The following THSD4 variants were observed in gnomAD, a reference collection of about 807,000 sequenced individuals.
The protein encoded by THSD4 is thrombospondin type 1 domain containing 4.
In THSD4, 69 loss-of-function variants were observed where a neutral mutation model predicts 119.0. The ratio of observed to expected loss-of-function variants is 0.58; its 90% CI spans 0.48 to 0.71. The LOEUF (loss-of-function observed/expected upper bound fraction) is 0.71. Among genes scored for constraint, THSD4 ranks in the 30% least tolerant of loss-of-function variants. The probability of loss-of-function intolerance (pLI) is 0.00; values close to 1 mark genes in which losing one functional copy is unlikely to be tolerated. For missense variants in THSD4, 1,393 were observed against 1,391.1 expected (o/e 1.00, Z -0.02); for synonymous variants, 524 against 540.4 (o/e 0.97, Z 0.42).
intron 6 of THSD4, among the ~76,000 whole-genome samples, chr15:71,392,261 A>G (rs1250963848): frequency 3.3e-5 from 5 of 152,202 alleles, no homozygotes; most frequent in African/African-American, 1.2e-4. Flanking sequence ...AAATGCAGAC[A>G]TTCCCCTACT....
At chr15:71,394,433 C>G (rs574594390) in intron 6 of THSD4, among the ~76,000 whole-genome samples, 1 of 151,992 alleles carries the variant, frequency 6.6e-6, no homozygotes, top group Non-Finnish European at 1.5e-5. Flanking sequence ...CCACCACGGC[C>G]GGCTAATTTT....
intron 7 of THSD4, among the ~76,000 whole-genome samples, chr15:71,477,408 G>T (rs1266362053): frequency 3.9e-5 from 6 of 152,188 alleles, no homozygotes; most frequent in Admixed American, 1.3e-4. Flanking sequence ...CGCAGGCCCT[G>T]GGTATTGAAT....
intron 6 of THSD4, among the ~76,000 whole-genome samples, chr15:71,328,643 T>TA (rs1468339688): frequency 2.6e-5 from 4 of 152,216 alleles, no homozygotes; most frequent in African/African-American, 9.6e-5. Flanking sequence ...GAACTTTTTT[T>TA]AGACTCTGAA....
intron 8 of THSD4, among the ~76,000 whole-genome samples, chr15:71,728,086 A>G (rs371330483): frequency 9.9e-5 from 15 of 152,230 alleles, no homozygotes; most frequent in East Asian, 5.8e-4. Flanking sequence ...AAATATTTCA[A>G]TTCTTAAATT....
At chr15:71,400,242 CTG>C (rs1475742919) in intron 6 of THSD4, among the ~76,000 whole-genome samples, 2 of 152,060 alleles carry the variant, frequency 1.3e-5, no homozygotes, top group Non-Finnish European at 2.9e-5. Flanking sequence ...AATTGATAAG[CTG>C]TGTGTTTTTG....
chr15:71,541,480 C>T (rs895433219), intron 7 of THSD4, among the ~76,000 whole-genome samples: 3 of 152,170 alleles, frequency 2.0e-5, no homozygotes, highest in African/African-American at 4.8e-5. Flanking sequence ...TGGTAGTCTC[C>T]AGTGTGTTCT....
intron 8 of THSD4, among the ~76,000 whole-genome samples, chr15:71,717,556 T>TA (rs1208119673): frequency 5.7e-5 from 7 of 123,470 alleles, no homozygotes; most frequent in East Asian, 2.5e-4. Flanking sequence ...CTCCTGAGGT[T>TA]AAAAAAAAAT....
At chr15:71,313,903 G>T (rs1266548982) in intron 6 of THSD4, among the ~76,000 whole-genome samples, 1 of 152,152 alleles carries the variant, frequency 6.6e-6, no homozygotes, top group East Asian at 1.9e-4. Context: ...AAAAAACACA[G>T]CATGGGCTCC....
chr15:71,562,384 G>A (rs2049138536), intron 7 of THSD4, among the ~76,000 whole-genome samples: 1 of 152,070 alleles, frequency 6.6e-6, no homozygotes, highest in South Asian at 2.1e-4. Context: ...TGGTAGGAAG[G>A]GAAGGGAAGG....
chr15:71,683,801 C>G (rs1376247517), intron 8 of THSD4, among the ~76,000 whole-genome samples: 1 of 152,122 alleles, frequency 6.6e-6, no homozygotes, highest in African/African-American at 2.4e-5. Context: ...AGGTGAAACC[C>G]CATCTGTACT....
intron 6 of THSD4, among the ~76,000 whole-genome samples, chr15:71,264,818 T>C (rs905391663): frequency 2.0e-5 from 3 of 152,136 alleles, no homozygotes; most frequent in Non-Finnish European, 4.4e-5. Context: ...TATCATCCCA[T>C]GTATCATTTC....
chr15:71,580,012 A>T (rs11634676), intron 7 of THSD4, among the ~76,000 whole-genome samples: 85,194 of 151,880 alleles, frequency 0.56, 27,933 homozygotes, highest in Non-Finnish European at 0.74. Context: ...CTAATTGGAG[A>T]TATTAAAAAA....
At chr15:71,379,641 G>A (rs1209998705) in intron 6 of THSD4, among the ~76,000 whole-genome samples, 1 of 151,340 alleles carries the variant, frequency 6.6e-6, no homozygotes, top group Non-Finnish European at 1.5e-5. Context: ...TGTATTTTTA[G>A]TAGAGACAGG....
rs891015232 is a variant in THSD4 at position 71,240,721 on chromosome 15, A to C, written c.465-1928A>C. Among the ~76,000 whole-genome samples the C allele has an allele frequency of 4.0e-4, 61 of 151,982 alleles. 1 individual carries two copies. Among genetic ancestry groups the C allele is most frequent in the African/African-American group, 1.5e-3 (61 of 41,472 alleles). ...CAGAAATTCTTTCCTTTGCCTTTGCATGATGTCATTCATTTTACCTGGCCT... is the reference window on the plus strand; with the variant it reads ...CAGAAATTCTTTCCTTTGCCTTTGCCTGATGTCATTCATTTTACCTGGCCT... On this transcript the variant is annotated intron_variant, in intron 4 of 17. Coordinates refer to ENST00000261862, the MANE Select transcript of THSD4 (RefSeq NM_024817.3).
chr15:71,190,410 C>T (rs373342052), intron 3 of THSD4, among the ~76,000 whole-genome samples: 1 of 152,172 alleles, frequency 6.6e-6, no homozygotes, highest in African/African-American at 2.4e-5. Context: ...GGGCTCCCTT[C>T]CATGTCTGAG....
At chr15:71,411,624 C>T in intron 6 of THSD4, 63 bp from the exon 7 acceptor site, 1 of 1,508,638 alleles carries the variant, frequency 6.6e-7, no homozygotes. Flanking sequence ...GGTGCTGATT[C>T]CACAGAGATG....
chr15:71,150,642 T>A (rs2040712048), intron 2 of THSD4, among the ~76,000 whole-genome samples: 1 of 152,256 alleles, frequency 6.6e-6, no homozygotes, highest in African/African-American at 2.4e-5. Context: ...AAATGTAATT[T>A]GTGTTGCACT....
At chr15:71,324,464 C>G (rs746610826) in intron 6 of THSD4, among the ~76,000 whole-genome samples, 2 of 152,036 alleles carry the variant, frequency 1.3e-5, no homozygotes, top group South Asian at 2.1e-4. Flanking sequence ...TCTCTCCCAT[C>G]CTCCCCATTT....
At chr15:71,260,143 A>G (rs548195162) in intron 6 of THSD4, among the ~76,000 whole-genome samples, 7 of 152,338 alleles carry the variant, frequency 4.6e-5, no homozygotes, top group African/African-American at 1.4e-4. Flanking sequence ...CAAACCACAA[A>G]GAAAACTTTG....
Sources: allele counts gnomAD v4.1 joint callset (sites outside exome capture counted in the v4.1 genomes callset), GRCh38; gene constraint gnomAD v4.1.1; transcripts MANE v1.5; gene names NCBI Gene and HGNC (gene_info 2026-07-23, HGNC 2026-07-21).